The following FMN1 variants were observed in gnomAD, a reference collection of about 807,000 sequenced individuals.
FMN1 encodes the protein formin 1, also known as formin-1.
Under a neutral mutation model 132.4 loss-of-function variants are expected in FMN1, and 110 were observed. The observed-to-expected ratio is 0.83, with a 90% CI of 0.71 to 0.97. The LOEUF (loss-of-function observed/expected upper bound fraction) is 0.97, where lower values mean the gene tolerates loss of function less well. FMN1 is among the 50% of genes least tolerant of loss of function. The pLI is 0.00. For missense variants in FMN1, 1,792 were observed against 1,705.3 expected (o/e 1.05, Z -0.90); for synonymous variants, 722 against 651.7 (o/e 1.11, Z -1.64).
intron 10 of FMN1, among the ~76,000 whole-genome samples, chr15:32,911,469 C>T (rs182518635): frequency 6.1e-4 from 93 of 152,110 alleles, no homozygotes; most frequent in African/African-American, 2.1e-3. Flanking sequence ...AAATTTTGCT[C>T]GTCAACTATT....
At chr15:33,072,237 T>C (rs1053767900) in intron 5 of FMN1, among the ~76,000 whole-genome samples, 2 of 152,228 alleles carry the variant, frequency 1.3e-5, no homozygotes, top group African/African-American at 4.8e-5. Flanking sequence ...ACAATATGTT[T>C]TCAACCAAAA....
chr15:33,146,940 C>T (rs8040856), intron 4 of FMN1, among the ~76,000 whole-genome samples: 8 of 151,922 alleles, frequency 5.3e-5, no homozygotes, highest in African/African-American at 1.7e-4. Context: ...TTTGGAAGGT[C>T]GAGGCGGGCA....
chr15:33,098,582 C>G (rs1310215661), intron 4 of FMN1, among the ~76,000 whole-genome samples: 1 of 152,204 alleles, frequency 6.6e-6, no homozygotes, highest in East Asian at 1.9e-4. Context: ...TATTCTTACA[C>G]AGGCACTCAG....
At chr15:32,931,302 T>G (rs1229333827) in intron 9 of FMN1, among the ~76,000 whole-genome samples, 2 of 152,212 alleles carry the variant, frequency 1.3e-5, no homozygotes, top group East Asian at 3.8e-4. Context: ...TTCAATAATA[T>G]TAATTCTTTC....
rs374836966 is a variant in FMN1, at chr15:33,010,767, T to C, written c.2162-2692A>G. Among the ~76,000 whole-genome samples the C allele has an allele frequency of 1.1e-3, 160 of 152,100 alleles. 1 individual carries two copies. Among genetic ancestry groups the C allele is most frequent in the African/African-American group, 3.8e-3 (156 of 41,526 alleles). ...CAACAAAAATATACAAAAATCCTCA[T>C]AGTAGCAGTTTAAAAAAGAAAAGCA... On this transcript the variant is annotated intron_variant, in intron 6 of 20. Transcript: ENST00000616417.
intron 6 of FMN1, among the ~76,000 whole-genome samples, chr15:33,036,968 A>C (rs563329478): frequency 1.4e-4 from 21 of 152,382 alleles, no homozygotes; most frequent in African/African-American, 5.0e-4. Flanking sequence ...TTAGGAGACA[A>C]AGGAGAATCC....
intron 4 of FMN1, among the ~76,000 whole-genome samples, chr15:33,128,091 A>C (rs1052288313): frequency 6.6e-6 from 1 of 152,168 alleles, no homozygotes; most frequent in African/African-American, 2.4e-5. Context: ...GAAAACCAAG[A>C]ATGAGGCCAG....
chr15:33,086,014 G>A (rs2038677025), intron 5 of FMN1, among the ~76,000 whole-genome samples: 1 of 152,156 alleles, frequency 6.6e-6, no homozygotes, highest in South Asian at 2.1e-4. Context: ...CACTTTGAGA[G>A]GCTGAGGCAG....
At chr15:32,866,664 T>C (rs1301976765) in intron 16 of FMN1, among the ~76,000 whole-genome samples, 1 of 152,206 alleles carries the variant, frequency 6.6e-6, no homozygotes, top group Non-Finnish European at 1.5e-5. Context: ...AATACTCACT[T>C]TTTCCTATTT....
chr15:33,026,846 T>C (rs1207398380), intron 6 of FMN1, among the ~76,000 whole-genome samples: 2 of 152,192 alleles, frequency 1.3e-5, no homozygotes, highest in Admixed American at 6.5e-5. Flanking sequence ...CCCAGGTTTC[T>C]AAGGGAGACA....
intron 6 of FMN1, among the ~76,000 whole-genome samples, chr15:33,046,264 T>C (rs1428574572): frequency 6.6e-6 from 1 of 152,158 alleles, no homozygotes; most frequent in African/African-American, 2.4e-5. Context: ...CAGCGAGTCT[T>C]ACAGAAATGG....
chr15:33,116,717 G>A (rs1481399345), intron 4 of FMN1, among the ~76,000 whole-genome samples: 1 of 151,850 alleles, frequency 6.6e-6, no homozygotes, highest in African/African-American at 2.4e-5. Context: ...GCCCAAACAT[G>A]ATTATAAGAT....
intron 17 of FMN1, among the ~76,000 whole-genome samples, chr15:32,817,396 A>C (rs1160214333): frequency 2.0e-5 from 3 of 152,240 alleles, no homozygotes; most frequent in African/African-American, 7.2e-5. Context: ...ATTACTTTTT[A>C]ACCCATTTTT....
At chr15:33,037,272 T>C (rs2036232016) in intron 6 of FMN1, among the ~76,000 whole-genome samples, 1 of 152,222 alleles carries the variant, frequency 6.6e-6, no homozygotes, top group African/African-American at 2.4e-5. Flanking sequence ...TTTTTGTCCC[T>C]GGTAGAGATG....
At chr15:32,779,407 A>G (rs1447252940) in intron 19 of FMN1, among the ~76,000 whole-genome samples, 1 of 152,220 alleles carries the variant, frequency 6.6e-6, no homozygotes, top group Non-Finnish European at 1.5e-5. Context: ...AAACAATTAG[A>G]CAATATTAAC....
At chr15:32,937,885 A>G (rs2061315090) in intron 9 of FMN1, among the ~76,000 whole-genome samples, 2 of 152,240 alleles carry the variant, frequency 1.3e-5, no homozygotes, top group Non-Finnish European at 2.9e-5. Flanking sequence ...AAATAACTGA[A>G]AGGAAACAAA....
intron 4 of FMN1, among the ~76,000 whole-genome samples, chr15:33,090,147 C>T (rs1475351547): frequency 6.6e-6 from 1 of 152,142 alleles, no homozygotes; most frequent in Non-Finnish European, 1.5e-5. Flanking sequence ...AGCCACTAGG[C>T]AGAAGTTAAA....
At chr15:32,921,729 T>C (rs2060829875) in intron 10 of FMN1, among the ~76,000 whole-genome samples, 1 of 149,692 alleles carries the variant, frequency 6.7e-6, no homozygotes, top group South Asian at 2.1e-4. Flanking sequence ...CAGGCTGGAG[T>C]ACAGTGGCGT....
At chr15:33,000,254 G>T (rs1028691039) in intron 7 of FMN1, among the ~76,000 whole-genome samples, 4 of 152,116 alleles carry the variant, frequency 2.6e-5, no homozygotes, top group African/African-American at 9.6e-5. Context: ...TCAAGACTAT[G>T]CCGGCTAACA....
Sources: allele counts gnomAD v4.1 joint callset (sites outside exome capture counted in the v4.1 genomes callset), GRCh38; gene constraint gnomAD v4.1.1; transcripts MANE v1.5; gene names NCBI Gene and HGNC (gene_info 2026-07-23, HGNC 2026-07-21).